Variants in SRGAP1 observed in about 807,000 individuals in gnomAD.
The protein encoded by SRGAP1 is SLIT-ROBO Rho GTPase-activating protein 1.
SRGAP1 carries 43 observed loss-of-function variants against 121.9 expected under a neutral mutation model. That is an observed-to-expected ratio of 0.35 (90% CI 0.28 to 0.46). The LOEUF (loss-of-function observed/expected upper bound fraction) is 0.46. Ranked by LOEUF, SRGAP1 falls within the 20% of genes least tolerant of loss-of-function variation. SRGAP1 has a pLI of 1.00. For missense variants in SRGAP1, 1,102 were observed against 1,350.9 expected, an observed-to-expected ratio of 0.82 and a Z score of 2.89; for synonymous variants, 447 against 485.4, an observed-to-expected ratio of 0.92 and a Z score of 1.04.
intron 21 of SRGAP1, 128 bp downstream of exon 21, chr12:64,128,328 A>C (rs895036728): frequency 2.1e-6 from 2 of 966,142 alleles, no homozygotes; most frequent in African/African-American, 3.3e-5. Context: ...ACTAAAGAAA[A>C]CAGAAACAAA....
At chr12:64,140,223 G>A (rs1458214122) in intron 21 of SRGAP1, among the ~76,000 whole-genome samples, 12 of 143,298 alleles carry the variant, frequency 8.4e-5, no homozygotes, top group African/African-American at 2.7e-4. Context: ...TTGGTGATGC[G>A]GGCTCTTTTT....
At chr12:63,884,024 C>A in intron 1 of SRGAP1, among the ~76,000 whole-genome samples, 1 of 83,666 alleles carries the variant, frequency 1.2e-5, no homozygotes, top group South Asian at 6.0e-4. Context: ...TAGCTCACGC[C>A]TGTAATCCCA....
chr12:63,888,275 C>T (rs1234985385), intron 1 of SRGAP1: 4 of 152,198 alleles, frequency 2.6e-5, no homozygotes, highest in Non-Finnish European at 5.9e-5. Flanking sequence ...TCTGTAGAGA[C>T]TCTAGAGCTC....
At chr12:63,976,480 G>A (rs1028398732) in intron 1 of SRGAP1, among the ~76,000 whole-genome samples, 8 of 152,130 alleles carry the variant, frequency 5.3e-5, no homozygotes, top group Admixed American at 1.3e-4. Flanking sequence ...TGTGAAAGTC[G>A]CCCCCTCTCA....
chr12:63,872,248 A>G (rs1460621508), intron 1 of SRGAP1, among the ~76,000 whole-genome samples: 1 of 152,202 alleles, frequency 6.6e-6, no homozygotes, highest in African/African-American at 2.4e-5. Flanking sequence ...TTATATGGGA[A>G]CTACAACGTA....
At chr12:63,958,260 C>G (rs2032534499) in intron 1 of SRGAP1, among the ~76,000 whole-genome samples, 1 of 152,112 alleles carries the variant, frequency 6.6e-6, no homozygotes, top group African/African-American at 2.4e-5. Context: ...TTGCAGAGCC[C>G]CAGAAAGTTC....
chr12:64,116,249 T>A (rs2036520637), intron 18 of SRGAP1, among the ~76,000 whole-genome samples: 1 of 93,312 alleles, frequency 1.1e-5, no homozygotes. Flanking sequence ...AGAACAGACC[T>A]CATCTCAAAA....
At chr12:63,934,162 T>C (rs1315546897) in intron 1 of SRGAP1, among the ~76,000 whole-genome samples, 1 of 152,106 alleles carries the variant, frequency 6.6e-6, no homozygotes, top group Non-Finnish European at 1.5e-5. Context: ...CTTATGTCAG[T>C]TAATTCTTGC....
intron 1 of SRGAP1, among the ~76,000 whole-genome samples, chr12:63,858,366 G>T (rs150263154): frequency 1.3e-5 from 2 of 151,402 alleles, no homozygotes; most frequent in Non-Finnish European, 2.9e-5. Flanking sequence ...GCTTCACTTT[G>T]CTGCCCAGGC....
At chr12:63,845,914 G>A (rs574562533) in intron 1 of SRGAP1, among the ~76,000 whole-genome samples, 9 of 152,274 alleles carry the variant, frequency 5.9e-5, no homozygotes, top group Non-Finnish European at 8.8e-5. Flanking sequence ...ACGGAGAGAG[G>A]CATTACTGTA....
chr12:63,989,988 T>C lies in SRGAP1; in HGVS notation c.342T>C (p.His114=). ...LNQVRRESKD[H]ATLSDIYLNN... Reference sequence around the variant, plus strand: ...AAGTAAGGAGAGAAAGCAAAGACCATGCAACCTTGAGTGACATCTATCTGA... The same window carrying C: ...AAGTAAGGAGAGAAAGCAAAGACCACGCAACCTTGAGTGACATCTATCTGA... The change falls in exon 3 of 22, where the codon CAT becomes CAC. Residue 114 remains histidine (H), a synonymous_variant. Coordinates refer to ENST00000355086, the MANE Select transcript of SRGAP1 (RefSeq NM_020762.4). The C allele has an allele frequency of 1.2e-6, 2 of 1,613,968 alleles. No individual in the cohort carries two copies. Among genetic ancestry groups the C allele is most frequent in the South Asian group, 1.1e-5 (1 of 91,062 alleles).
chr12:63,885,315 A>G (rs148077789), intron 1 of SRGAP1, among the ~76,000 whole-genome samples: 64 of 152,238 alleles, frequency 4.2e-4, no homozygotes, highest in African/African-American at 1.4e-3. Flanking sequence ...CTGGTTTATT[A>G]TAAAGGATAT....
At chr12:63,846,276 C>G (rs1592874485) in intron 1 of SRGAP1, among the ~76,000 whole-genome samples, 1 of 152,146 alleles carries the variant, frequency 6.6e-6, no homozygotes, top group Admixed American at 6.5e-5. Flanking sequence ...GGTAAACTTT[C>G]TAATGAGACT....
intron 1 of SRGAP1, among the ~76,000 whole-genome samples, chr12:63,955,083 C>T (rs1037843118): frequency 2.0e-5 from 3 of 152,256 alleles, no homozygotes; most frequent in South Asian, 2.1e-4. Flanking sequence ...TTTGGGAGCC[C>T]GAGGTGGGCG....
chr12:64,125,714 T>G (rs1226839965), intron 18 of SRGAP1, among the ~76,000 whole-genome samples: 2 of 152,170 alleles, frequency 1.3e-5, no homozygotes, highest in African/African-American at 4.8e-5. Context: ...TGTCATTATA[T>G]CTCTAGTAAG....
intron 6 of SRGAP1, among the ~76,000 whole-genome samples, chr12:64,050,786 G>A (rs1268183145): frequency 6.6e-6 from 1 of 152,116 alleles, no homozygotes; most frequent in Non-Finnish European, 1.5e-5. Context: ...GTGCAGTGGT[G>A]CAATCTCAGC....
intron 6 of SRGAP1, among the ~76,000 whole-genome samples, chr12:64,050,144 G>T (rs1369429696): frequency 6.6e-6 from 1 of 151,982 alleles, no homozygotes; most frequent in African/African-American, 2.4e-5. Flanking sequence ...TTTTATATTT[G>T]TAGCTATTAT....
Position 64,126,009 on chromosome 12 carries a change from G to C in SRGAP1, c.2257G>C (p.Asp753His). 2.5e-6 allele frequency: 4 copies of C among 1,614,100 alleles called. No individual in the cohort carries two copies. The highest frequency in any genetic ancestry group is 3.4e-6 in the Non-Finnish European group (4 of 1,179,984). Reference protein sequence around the residue: ...CEPIEAIAKFDYVGRSARELS... With the variant: ...CEPIEAIAKFHYVGRSARELS... The stretch of plus-strand genomic sequence containing the variant: ...GCCAATAGAAGCAATAGCCAAGTTT[G>C]ACTATGTTGGGCGGTCTGCCAGAGA... Residue 753 changes from aspartate (D) to histidine (H), a missense_variant, in exon 19 of 22, where the codon GAC becomes CAC. Coordinates refer to ENST00000355086, the MANE Select transcript of SRGAP1 (RefSeq NM_020762.4).
chr12:63,919,763 A>T (rs1016081285), intron 1 of SRGAP1, among the ~76,000 whole-genome samples: 2 of 152,136 alleles, frequency 1.3e-5, no homozygotes, highest in Non-Finnish European at 2.9e-5. Flanking sequence ...AGTACTATAC[A>T]GCTAATTTTG....
Sources: gnomAD v4.1 joint callset for allele counts (sites outside exome capture counted in the v4.1 genomes callset) on GRCh38, gnomAD v4.1.1 for gene constraint, MANE v1.5 for transcripts, NCBI Gene and HGNC (gene_info 2026-07-23, HGNC 2026-07-21) for gene names.